C12orf42: variants seen among roughly 807,000 people sequenced by gnomAD.
C12orf42 encodes uncharacterized protein C12orf42.
In C12orf42, 25 loss-of-function variants were observed where a neutral mutation model predicts 21.6. The observed-to-expected ratio is 1.16, with a 90% CI of 0.84 to 1.62. The LOEUF is 1.62. C12orf42 is among the 40% of genes most tolerant of loss of function. The probability of loss-of-function intolerance (pLI) is 0.00; values close to 1 mark genes in which losing one functional copy is unlikely to be tolerated. For missense variants in C12orf42, 483 were observed against 459.3 expected, an observed-to-expected ratio of 1.05 and a Z score of -0.47; for synonymous variants, 174 against 175.0, an observed-to-expected ratio of 0.99 and a Z score of 0.05.
chr12:103,361,884 C>T (rs1017049945), intron 4 of C12orf42, among the ~76,000 whole-genome samples: 1 of 152,008 alleles, frequency 6.6e-6, no homozygotes, highest in Middle Eastern at 3.2e-3. Flanking sequence ...TCAGACACAC[C>T]TAACCCTTCC....
the C12orf42 span, among the ~76,000 whole-genome samples, chr12:103,223,440 G>T: frequency 6.5e-3 from 995 of 152,264 alleles, 4 homozygotes; most frequent in Non-Finnish European, 9.5e-3. Flanking sequence ...AGGTATAAAA[G>T]GTCCAAGAAT....
the C12orf42 span, among the ~76,000 whole-genome samples, chr12:103,225,057 C>G: frequency 2.0e-3 from 307 of 152,210 alleles, 2 homozygotes; most frequent in African/African-American, 7.1e-3. Context: ...GGCAGTACAG[C>G]CTAGGTAATT....
the C12orf42 span, among the ~76,000 whole-genome samples, chr12:103,191,755 AAAAAAG>A: frequency 1.8e-3 from 270 of 150,074 alleles, 1 homozygote; most frequent in African/African-American, 6.2e-3. Context: ...AAAAAAAAAA[AAAAAAG>A]AAAAGAAAAG....
At chr12:103,242,810 A>T (rs976573874) in intron 10 of C12orf42, among the ~76,000 whole-genome samples, 23 of 152,314 alleles carry the variant, frequency 1.5e-4, no homozygotes, top group Non-Finnish European at 3.1e-4. Flanking sequence ...TATTTTTAGT[A>T]ATTCACTTTA....
chr12:103,364,294 A>C (rs2044387508), intron 4 of C12orf42, among the ~76,000 whole-genome samples: 1 of 152,108 alleles, frequency 6.6e-6, no homozygotes, highest in Admixed American at 6.6e-5. Flanking sequence ...CTTTGAACTA[A>C]ACAATAATAG....
the C12orf42 span, among the ~76,000 whole-genome samples, chr12:103,103,520 T>G: frequency 6.6e-6 from 1 of 152,220 alleles, no homozygotes; most frequent in South Asian, 2.1e-4. Flanking sequence ...ATAAAGGATC[T>G]ATTTGAACTT....
intron 4 of C12orf42, among the ~76,000 whole-genome samples, chr12:103,316,427 C>G (rs1251140187): frequency 6.6e-6 from 1 of 152,046 alleles, no homozygotes; most frequent in African/African-American, 2.4e-5. Context: ...TGCCAGCCTA[C>G]TTGCCCACAG....
upstream of C12orf42, among the ~76,000 whole-genome samples, chr12:103,500,909 A>G (rs1955703868): frequency 6.6e-6 from 1 of 152,252 alleles, no homozygotes; most frequent in Admixed American, 6.5e-5. Context: ...TTCCTTGGAC[A>G]TCTATTATAA....
intron 10 of C12orf42, among the ~76,000 whole-genome samples, chr12:103,244,992 GA>G (rs1229980899): frequency 3.3e-5 from 5 of 152,116 alleles, no homozygotes; most frequent in African/African-American, 9.6e-5. Context: ...AGCAAAGGGG[GA>G]AAACAAGGAA....
chr12:103,261,143 A>C (rs1260652184), intron 10 of C12orf42, among the ~76,000 whole-genome samples: 2 of 152,082 alleles, frequency 1.3e-5, no homozygotes, highest in Non-Finnish European at 2.9e-5. Context: ...CAATTGGTAT[A>C]ATTCCTATTT....
intron 2 of C12orf42, among the ~76,000 whole-genome samples, chr12:103,402,569 G>A (rs2048092171): frequency 6.6e-6 from 1 of 152,172 alleles, no homozygotes; most frequent in Non-Finnish European, 1.5e-5. Context: ...AAACAATGGT[G>A]AGTTGCCCAC....
At chr12:103,273,765 A>T in intron 5 of C12orf42, 1 of 441,244 alleles carries the variant, frequency 2.3e-6, no homozygotes, top group Non-Finnish European at 4.6e-6. Context: ...GAGAAGAGAA[A>T]GAGAAAGAGA....
chr12:103,353,181 T>C (rs56670740), intron 4 of C12orf42, among the ~76,000 whole-genome samples: 5 of 151,866 alleles, frequency 3.3e-5, no homozygotes, highest in African/African-American at 1.2e-4. Flanking sequence ...TTTTGCACAC[T>C]GAGAAATGCA....
chr12:103,139,573 A>T, the C12orf42 span, among the ~76,000 whole-genome samples: 1 of 152,184 alleles, frequency 6.6e-6, no homozygotes, highest in African/African-American at 2.4e-5. Flanking sequence ...ACCAAAAAAA[A>T]TTATGACGTA....
At chr12:103,203,525 T>C in the C12orf42 span, among the ~76,000 whole-genome samples, 1 of 152,192 alleles carries the variant, frequency 6.6e-6, no homozygotes, top group South Asian at 2.1e-4. Context: ...TCTGGGTTAA[T>C]TAATTAAAAG....
the C12orf42 span, among the ~76,000 whole-genome samples, chr12:103,162,506 G>GGTGTGTGT: frequency 4.6e-3 from 678 of 147,628 alleles, 7 homozygotes; most frequent in African/African-American, 0.015. Context: ...CCAACAAGCT[G>GGTGTGTGT]GTGTGTGTGT....
the C12orf42 span, among the ~76,000 whole-genome samples, chr12:103,092,975 C>T: frequency 6.6e-6 from 1 of 152,196 alleles, no homozygotes; most frequent in African/African-American, 2.4e-5. Flanking sequence ...ATCTCTGGAC[C>T]TTTCTTAGGG....
At chr12:103,066,996 A>G in the C12orf42 span, among the ~76,000 whole-genome samples, 1 of 152,176 alleles carries the variant, frequency 6.6e-6, no homozygotes, top group African/African-American at 2.4e-5. Flanking sequence ...GCTCAGCAAC[A>G]TGGACTTCCG....
At chr12:103,553,488 T>C in the C12orf42 span, among the ~76,000 whole-genome samples, 2 of 152,058 alleles carry the variant, frequency 1.3e-5, no homozygotes, top group African/African-American at 2.4e-5. Flanking sequence ...CCCATCCTCC[T>C]CCTGAAAGGT....
Sources: gnomAD v4.1 joint callset for allele counts (sites outside exome capture counted in the v4.1 genomes callset) on GRCh38, gnomAD v4.1.1 for gene constraint, MANE v1.5 for transcripts, NCBI Gene and HGNC (gene_info 2026-07-23, HGNC 2026-07-21) for gene names.